The following SCYGR1 variants were observed in gnomAD, a reference collection of about 807,000 sequenced individuals.
The protein encoded by SCYGR1 is small cysteine and glycine repeat-containing protein 1.
exon 1 of SCYGR1, chr2:227,387,886 C>T (rs565211332): frequency 2.8e-5 from 10 of 358,560 alleles, no homozygotes; most frequent in East Asian, 1.9e-4. Flanking sequence ...CTGCCACAGC[C>T]ACCACCACAG....
At chr2:227,387,752 C>T (rs1256832391) in exon 1 of SCYGR1, 29 of 399,108 alleles carry the variant, frequency 7.3e-5, no homozygotes, top group East Asian at 1.8e-4. Flanking sequence ...TGTAGCCACA[C>T]GAGCTGCAGG....
exon 1 of SCYGR1, chr2:227,387,945 C>A: frequency 2.5e-6 from 1 of 401,844 alleles, no homozygotes. Flanking sequence ...ACCACAGCAA[C>A]CCATGGTGTC....
chr2:227,387,710 G>T, the SCYGR1 span: 33 of 398,966 alleles, frequency 8.3e-5, no homozygotes, highest in African/African-American at 3.7e-4. Flanking sequence ...TCTGGCAGCA[G>T]CACTTCTGCT....
rs148690574 is a variant in SCYGR1 at position 227,387,875 on chromosome 2, T to G, written c.75A>C (p.Arg25Ser). The change falls in exon 1 of 1, where the codon AGA becomes AGC. Residue 25 changes from arginine to serine, a missense_variant. Arg to Ser is a moderately radical substitution (Grantham distance 110). Transcript: ENST00000641359. The stretch of plus-strand genomic sequence containing the variant: ...CCCGGTAGCACCTGCAGGTGGTGCA[T>G]CTGCCACAGCCACCACCACAGCCAC... 9.8e-3 allele frequency: 3,568 copies of G among 362,554 alleles called. 100 individuals are homozygous for G. The highest frequency in any genetic ancestry group is 0.067 in the African/African-American group (3,074 of 45,568). 22.5% of individuals were successfully genotyped at this position (362,554 alleles called of 1,614,324 possible). A position where few individuals can be genotyped will look rare whatever the true frequency, so the allele number is the denominator to read the frequency against.
At chr2:227,387,857 GCAC>G (rs2076508930) in exon 1 of SCYGR1, 1 of 400,560 alleles carries the variant, frequency 2.5e-6, no homozygotes, top group Admixed American at 4.4e-5. Flanking sequence ...CCACCCGGTA[GCAC>G]CTGCAGGTGG....
exon 1 of SCYGR1, chr2:227,387,853 G>C: frequency 2.5e-6 from 1 of 396,202 alleles, no homozygotes; most frequent in Non-Finnish European, 4.4e-6. Flanking sequence ...CAGCCCACCC[G>C]GTAGCACCTG....
exon 1 of SCYGR1, chr2:227,387,805 CACAGCAGCCACGGCAGCAGGG>C (rs1422162626): frequency 5.0e-6 from 2 of 399,368 alleles, no homozygotes; most frequent in Admixed American, 4.4e-5. Context: ...CAGCAGCCTC[CACAGCAGCCACGGCAGCAGGG>C]GCAGCAGCTG....
exon 1 of SCYGR1, chr2:227,387,710 G>A (rs567121425): frequency 5.0e-6 from 2 of 398,966 alleles, no homozygotes; most frequent in Non-Finnish European, 8.8e-6. Flanking sequence ...TCTGGCAGCA[G>A]CACTTCTGCT....
chr2:227,387,917 G>A (rs12617411), exon 1 of SCYGR1: 140,838 of 397,512 alleles, frequency 0.35, 25,328 homozygotes, highest in South Asian at 0.4. Context: ...AGCCACCACA[G>A]CCACCACAAC....
chr2:227,387,903 C>CAG, the SCYGR1 span: 25 of 390,126 alleles, frequency 6.4e-5, no homozygotes, highest in Non-Finnish European at 1.0e-4. Flanking sequence ...ACAGCCACCA[C>CAG]CGCAGCCACC....
chr2:227,387,833 G>A (rs1346972336), exon 1 of SCYGR1: 2 of 399,182 alleles, frequency 5.0e-6, no homozygotes, highest in Non-Finnish European at 8.8e-6. Flanking sequence ...AGGGGCAGCA[G>A]CTGGAGCAGC....
At chr2:227,387,713 C>T (rs1218073246) in exon 1 of SCYGR1, 2 of 398,960 alleles carry the variant, frequency 5.0e-6, no homozygotes, top group Non-Finnish European at 4.4e-6. Context: ...GGCAGCAGCA[C>T]TTCTGCTGGC....
Position 227,387,946 on chromosome 2 carries a change from C to T in SCYGR1, c.4G>A (p.Gly2Ser), listed in dbSNP as rs544385485. Reference sequence around the variant, plus strand: ...CCACAACCTCCACAACCACAGCAACCCATGGTGTCAGTAGAGAGGACTCAT... The same window carrying T: ...CCACAACCTCCACAACCACAGCAACTCATGGTGTCAGTAGAGAGGACTCAT... The change falls in exon 1 of 1, where the codon GGT (glycine) becomes AGT (serine). Residue 2 changes from glycine (G) to serine (S), a missense_variant. Transcript: ENST00000641359. 39 of 400,698 alleles carry T rather than the reference C, an allele frequency of 9.7e-5. No homozygotes were observed. In the South Asian group the frequency reaches 4.2e-3, roughly 43 times the overall value. 24.8% of individuals were successfully genotyped at this position (400,698 alleles called of 1,614,324 possible).
At chr2:227,387,853 G>T (rs900739214) in exon 1 of SCYGR1, 10 of 396,078 alleles carry the variant, frequency 2.5e-5, no homozygotes, top group Non-Finnish European at 4.0e-5. Flanking sequence ...CAGCCCACCC[G>T]GTAGCACCTG....
exon 1 of SCYGR1, chr2:227,387,731 C>G: frequency 2.5e-6 from 1 of 398,948 alleles, no homozygotes; most frequent in Non-Finnish European, 4.4e-6. Context: ...GGCAACAGCC[C>G]TTCCCACAGC....
At chr2:227,387,917 G>GCCACCACAA (rs1559142812) in exon 1 of SCYGR1, 6 of 397,762 alleles carry the variant, frequency 1.5e-5, no homozygotes, top group East Asian at 7.1e-5. Flanking sequence ...AGCCACCACA[G>GCCACCACAA]CCACCACAAC....
At chr2:227,387,887 A>ACCACCGCAG (rs1553529849) in exon 1 of SCYGR1, 2,335 of 400,062 alleles carry the variant, frequency 5.8e-3, no homozygotes, top group Non-Finnish European at 8.1e-3. Flanking sequence ...TGCCACAGCC[A>ACCACCGCAG]CCACCACAGC....
At chr2:227,387,795 C>T (rs1047386743) in exon 1 of SCYGR1, 3 of 399,124 alleles carry the variant, frequency 7.5e-6, no homozygotes, top group Admixed American at 4.4e-5. Context: ...GGGAGTGCTG[C>T]AGCAGCCTCC....
exon 1 of SCYGR1, chr2:227,387,883 A>G: frequency 2.7e-6 from 1 of 374,700 alleles, no homozygotes; most frequent in Non-Finnish European, 4.6e-6. Flanking sequence ...CATCTGCCAC[A>G]GCCACCACCA....
Sources: allele counts gnomAD v4.1 joint callset, GRCh38; gene constraint gnomAD v4.1.1; transcripts MANE v1.5; gene names NCBI Gene and HGNC (gene_info 2026-07-23, HGNC 2026-07-21).